The following NCAM2 variants were observed in gnomAD, a reference collection of about 807,000 sequenced individuals.
NCAM2 encodes N-CAM-2.
NCAM2 carries 30 observed loss-of-function variants against 98.1 expected under a neutral mutation model. That is an observed-to-expected ratio of 0.31 (90% CI 0.23 to 0.41). The LOEUF is 0.41. Among genes scored for constraint, NCAM2 ranks in the 10% least tolerant of loss-of-function variants. The probability of loss-of-function intolerance (pLI) is 1.00; values close to 1 mark genes in which losing one functional copy is unlikely to be tolerated. For missense variants in NCAM2, 867 were observed against 1,005.8 expected (o/e 0.86, Z 1.87); for synonymous variants, 368 against 342.4 (o/e 1.07, Z -0.83).
rs1192128472 is a variant in NCAM2 at position 21,425,040 on chromosome 21, C to CAAAAAAAAAAAAAAA, written c.1480+6485_1480+6499dup. Among the ~76,000 whole-genome samples, 6 of 43,852 alleles carry CAAAAAAAAAAAAAAA rather than the reference C, an allele frequency of 1.4e-4. 1 individual carries two copies. The highest frequency in any genetic ancestry group is 5.6e-4 in the East Asian group (1 of 1,800). The allele number at this position is 43,852 out of a possible 152,430, so 28.8% of individuals were successfully genotyped here. Reference sequence around the variant, plus strand: ...GACAAAAGCGGGACTCTTCCTCCTCCAAAAAAAAAAAAAAAAAAAAAAAAA... The same window carrying CAAAAAAAAAAAAAAA: ...GACAAAAGCGGGACTCTTCCTCCTCCAAAAAAAAAAAAAAAAAAAAAAAAAAAAAAAAAAAAAAAA... On this transcript the variant is annotated intron_variant, in intron 11 of 17. Transcript: ENST00000400546.
chr21:21,308,360 C>T (rs967823973), intron 5 of NCAM2, among the ~76,000 whole-genome samples: 3 of 151,832 alleles, frequency 2.0e-5, no homozygotes, highest in African/African-American at 7.3e-5. Flanking sequence ...CCTTTTTTTA[C>T]TTTTATATAT....
chr21:21,444,004 G>A (rs1979705189), intron 12 of NCAM2, among the ~76,000 whole-genome samples: 1 of 152,094 alleles, frequency 6.6e-6, no homozygotes, highest in African/African-American at 2.4e-5. Context: ...CTTTTTTTGA[G>A]ATGTGTTCCA....
intron 1 of NCAM2, among the ~76,000 whole-genome samples, chr21:21,268,652 A>G (rs1475713806): frequency 1.3e-5 from 2 of 152,142 alleles, no homozygotes; most frequent in Non-Finnish European, 2.9e-5. Flanking sequence ...ACATGAGAAT[A>G]TATCTGATAT....
At chr21:21,408,183 T>G (rs2076781777) in intron 9 of NCAM2, among the ~76,000 whole-genome samples, 1 of 152,102 alleles carries the variant, frequency 6.6e-6, no homozygotes, top group South Asian at 2.1e-4. Flanking sequence ...GTGCACAATT[T>G]AGGCCACCTC....
chr21:21,318,504 T>C (rs1003557379), intron 5 of NCAM2, among the ~76,000 whole-genome samples: 2 of 152,124 alleles, frequency 1.3e-5, no homozygotes, highest in African/African-American at 4.8e-5. Flanking sequence ...CTTTAGTAAA[T>C]TGTATTAAAA....
At chr21:21,149,184 T>C (rs1347417858) in intron 1 of NCAM2, among the ~76,000 whole-genome samples, 1 of 152,182 alleles carries the variant, frequency 6.6e-6, no homozygotes, top group Non-Finnish European at 1.5e-5. Context: ...AAAAATATTT[T>C]GGCTATTTGA....
intron 16 of NCAM2, among the ~76,000 whole-genome samples, chr21:21,512,090 T>G (rs975866676): frequency 7.9e-5 from 12 of 151,946 alleles, no homozygotes; most frequent in African/African-American, 2.9e-4. Context: ...GTTCAGAAGT[T>G]TTTCAGCTTG....
chr21:21,329,219 T>C (rs1475287626), intron 6 of NCAM2, among the ~76,000 whole-genome samples: 1 of 152,176 alleles, frequency 6.6e-6, no homozygotes, highest in Non-Finnish European at 1.5e-5. Flanking sequence ...AGTGCTAAGA[T>C]TACAGGTGTG....
At chr21:21,321,498 C>T (rs2074372798) in intron 5 of NCAM2, among the ~76,000 whole-genome samples, 1 of 152,206 alleles carries the variant, frequency 6.6e-6, no homozygotes, top group Admixed American at 6.6e-5. Context: ...AAGCCAGTGT[C>T]GAGAAGTGTA....
At chr21:21,055,172 A>G (rs1281309427) in intron 1 of NCAM2, among the ~76,000 whole-genome samples, 1 of 151,960 alleles carries the variant, frequency 6.6e-6, no homozygotes, top group Non-Finnish European at 1.5e-5. Flanking sequence ...GGTGATTAAA[A>G]CCAAGAAGCT....
intron 1 of NCAM2, among the ~76,000 whole-genome samples, chr21:21,066,581 A>G (rs560210788): frequency 2.6e-5 from 4 of 151,954 alleles, no homozygotes; most frequent in Non-Finnish European, 5.9e-5. Flanking sequence ...TGATGCCTCT[A>G]TGCGCAAGAA....
At chr21:21,392,957 T>A (rs2076412824) in intron 9 of NCAM2, among the ~76,000 whole-genome samples, 1 of 151,850 alleles carries the variant, frequency 6.6e-6, no homozygotes, top group African/African-American at 2.4e-5. Flanking sequence ...AGTTTAATTA[T>A]ACCCCGTCAA....
In NCAM2 at chr21:21,371,835, C is replaced by T. The variant is rs73894637; in HGVS notation, c.1045-2028C>T. Among the ~76,000 whole-genome samples the T allele has an allele frequency of 2.2e-3, 335 of 151,386 alleles. 1 individual carries two copies. Among genetic ancestry groups the T allele is most frequent in the African/African-American group, 7.6e-3 (314 of 41,266 alleles). On this transcript the variant is annotated intron_variant, in intron 8 of 17. Transcript: ENST00000400546. ...TTTGCTCAGCACTGCATCGCAGTGC[C>T]TGGTTGCTTATTGTAAAATAAATGC...
chr21:21,142,659 G>A (rs1379906057), intron 1 of NCAM2, among the ~76,000 whole-genome samples: 5 of 152,102 alleles, frequency 3.3e-5, no homozygotes, highest in African/African-American at 4.8e-5. Context: ...GATTACAGGC[G>A]TGAGCCACTG....
intron 9 of NCAM2, among the ~76,000 whole-genome samples, chr21:21,384,155 A>G (rs1206594695): frequency 6.6e-6 from 1 of 152,042 alleles, no homozygotes; most frequent in African/African-American, 2.4e-5. Flanking sequence ...CTTAAATAGT[A>G]TCCTTTAACT....
chr21:21,495,192 G>A (rs1421166612), intron 15 of NCAM2, among the ~76,000 whole-genome samples: 1 of 151,610 alleles, frequency 6.6e-6, no homozygotes, highest in African/African-American at 2.4e-5. Context: ...AAATATAAAC[G>A]TATATATTAT....
At chr21:21,395,555 A>G (rs977068768) in intron 9 of NCAM2, among the ~76,000 whole-genome samples, 10 of 152,202 alleles carry the variant, frequency 6.6e-5, no homozygotes, top group Admixed American at 5.9e-4. Flanking sequence ...AAGAGCCCTC[A>G]TAGCCAAAGC....
intron 1 of NCAM2, among the ~76,000 whole-genome samples, chr21:21,017,445 A>G (rs933759107): frequency 2.0e-5 from 3 of 150,620 alleles, no homozygotes; most frequent in Non-Finnish European, 3.0e-5. Flanking sequence ...AAAAAAAAAA[A>G]AAAGAAATAG....
intron 1 of NCAM2, among the ~76,000 whole-genome samples, chr21:21,034,912 CT>C (rs1169420106): frequency 6.6e-6 from 1 of 152,126 alleles, no homozygotes; most frequent in Non-Finnish European, 1.5e-5. Context: ...CTTGCTGGAA[CT>C]TTTCATAAGA....
Sources: gnomAD v4.1 joint callset for allele counts (sites outside exome capture counted in the v4.1 genomes callset) on GRCh38, gnomAD v4.1.1 for gene constraint, MANE v1.5 for transcripts, NCBI Gene and HGNC (gene_info 2026-07-23, HGNC 2026-07-21) for gene names.